The following ZNF385D variants were observed in gnomAD, a reference collection of about 807,000 sequenced individuals.
ZNF385D encodes zinc finger protein 659.
Under a neutral mutation model 35.8 loss-of-function variants are expected in ZNF385D, and 15 were observed. That is an observed-to-expected ratio of 0.42 (90% confidence interval 0.28 to 0.64). The LOEUF is 0.64. Ranked by LOEUF, ZNF385D falls within the 30% of genes least tolerant of loss-of-function variation. ZNF385D has a pLI of 0.23. For missense variants in ZNF385D, 474 were observed against 494.6 expected, an observed-to-expected ratio of 0.96 and a Z score of 0.39; for synonymous variants, 212 against 186.8, an observed-to-expected ratio of 1.13 and a Z score of -1.10.
rs966634784 is a variant in ZNF385D at position 21,458,775 on chromosome 3, T to C, written c.440-21572A>G. Reference sequence around the variant, plus strand: ...TTTGGAGAGACACAAAGTAGATTAGTGGTAGTGAGGGGAGAGGGAGTCCAT... The same window carrying C: ...TTTGGAGAGACACAAAGTAGATTAGCGGTAGTGAGGGGAGAGGGAGTCCAT... On this transcript the variant is annotated intron_variant, in intron 4 of 7. Coordinates refer to ENST00000281523, the MANE Select transcript of ZNF385D (RefSeq NM_024697.3). Among the ~76,000 whole-genome samples, 12 of 86,906 alleles carry C rather than the reference T, an allele frequency of 1.4e-4. No individual in the cohort carries two copies. In the East Asian group the frequency reaches 3.1e-3, roughly 22 times the overall value. The allele number at this position is 86,906 out of a possible 152,430, so 57.0% of individuals were successfully genotyped here.
intron 2 of ZNF385D, among the ~76,000 whole-genome samples, chr3:22,299,660 C>G (rs1702790048): frequency 6.6e-6 from 1 of 151,660 alleles, no homozygotes; most frequent in Admixed American, 6.6e-5. Context: ...AAATCAGTAG[C>G]TTATCTATAC....
At chr3:21,788,260 C>T (rs771385373) in intron 3 of ZNF385D, among the ~76,000 whole-genome samples, 8 of 152,326 alleles carry the variant, frequency 5.3e-5, no homozygotes, top group South Asian at 4.1e-4. Context: ...GAGTGAATCA[C>T]CTGAGGTCAG....
chr3:21,748,877 C>T (rs1412892412), intron 1 of ZNF385D, among the ~76,000 whole-genome samples: 1 of 152,114 alleles, frequency 6.6e-6, no homozygotes. Flanking sequence ...TTTTAACATG[C>T]CTGAAGTGTA....
exon 3 of ZNF385D, chr3:22,169,002 G>C (rs1186203060): frequency 2.0e-6 from 2 of 985,782 alleles, no homozygotes; most frequent in Non-Finnish European, 2.4e-6. Context: ...TATTAATTCA[G>C]CCTCACTCTC....
intron 3 of ZNF385D, among the ~76,000 whole-genome samples, chr3:22,048,809 G>A (rs952407833): frequency 6.6e-6 from 1 of 152,080 alleles, no homozygotes; most frequent in Non-Finnish European, 1.5e-5. Flanking sequence ...GATAGTGATT[G>A]CATGGAATTA....
At chr3:21,995,622 C>T (rs1381859626) in intron 3 of ZNF385D, among the ~76,000 whole-genome samples, 2 of 151,768 alleles carry the variant, frequency 1.3e-5, no homozygotes, top group South Asian at 2.1e-4. Flanking sequence ...CATATGAGTG[C>T]CAGCTGTGGT....
chr3:22,110,123 A>C lies in ZNF385D; in HGVS notation c.325+58694T>G, dbSNP rs911955509. Among the ~76,000 whole-genome samples, 5 of 152,212 alleles carry C rather than the reference A, an allele frequency of 3.3e-5. 1 individual carries two copies. The highest frequency in any genetic ancestry group is 1.2e-4 in the African/African-American group (5 of 41,554). ...ACACCAGTTAGAATGGCAATCATTA[A>C]AAAGTCAGGAAACAACAGGTGCTGG... On this transcript the variant is annotated intron_variant, in intron 3 of 5. Coordinates refer to the ZNF385D transcript ENST00000494108.
intron 3 of ZNF385D, among the ~76,000 whole-genome samples, chr3:22,142,860 A>C (rs1229557662): frequency 2.0e-5 from 3 of 152,018 alleles, no homozygotes; most frequent in Non-Finnish European, 4.4e-5. Flanking sequence ...CCGGGTTCCA[A>C]AAAGTTCTCT....
intron 3 of ZNF385D, among the ~76,000 whole-genome samples, chr3:22,132,295 A>G (rs1170208602): frequency 6.6e-6 from 1 of 152,190 alleles, no homozygotes; most frequent in Non-Finnish European, 1.5e-5. Context: ...AAACAGTGCC[A>G]TCTATGAACT....
intron 2 of ZNF385D, among the ~76,000 whole-genome samples, chr3:22,293,042 T>G (rs1702383224): frequency 6.6e-6 from 1 of 152,144 alleles, no homozygotes; most frequent in South Asian, 2.1e-4. Flanking sequence ...AAGCTGTAAG[T>G]TAGTAGTATC....
rs141135459 is a variant in ZNF385D, at chr3:21,540,905, A to G, written c.276+23669T>C. Among the ~76,000 whole-genome samples, 479 of 152,286 alleles carry G rather than the reference A, an allele frequency of 3.1e-3. 5 individuals carry two copies. Among genetic ancestry groups the G allele is most frequent in the African/African-American group, 0.011 (450 of 41,570 alleles). On this transcript the variant is annotated intron_variant, in intron 3 of 7. Transcript: ENST00000281523. The stretch of plus-strand genomic sequence containing the variant: ...AGGTAAGACTTCCCCAAACGACTGC[A>G]ATCTTTACCACTATCAGATTCAATT...
At chr3:21,462,668 C>G (rs1703247732) in intron 4 of ZNF385D, among the ~76,000 whole-genome samples, 1 of 152,102 alleles carries the variant, frequency 6.6e-6, no homozygotes, top group African/African-American at 2.4e-5. Context: ...ATACATTACA[C>G]AAGTAAGCAA....
chr3:21,773,106 G>GA (rs1273406937), intron 3 of ZNF385D, among the ~76,000 whole-genome samples: 1 of 151,826 alleles, frequency 6.6e-6, no homozygotes. Flanking sequence ...TTTACAAGAT[G>GA]AAAAGAGTTA....
intron 3 of ZNF385D, among the ~76,000 whole-genome samples, chr3:21,875,109 T>C (rs138751124): frequency 7.7e-4 from 117 of 152,234 alleles, no homozygotes; most frequent in African/African-American, 2.7e-3. Flanking sequence ...GCCCTGCAAC[T>C]TTACTAAATT....
intron 4 of ZNF385D, chr3:21,459,504 T>C (rs1257689768): frequency 2.0e-5 from 3 of 151,756 alleles, no homozygotes; most frequent in Admixed American, 1.3e-4. Flanking sequence ...ACCATATAAA[T>C]GCAAAAAAAA....
chr3:22,367,548 A>C (rs191104261), intron 2 of ZNF385D, among the ~76,000 whole-genome samples: 1 of 152,252 alleles, frequency 6.6e-6, no homozygotes, highest in Admixed American at 6.5e-5. Context: ...AAACTGAGAC[A>C]CCTAACTTCT....
chr3:21,790,327 T>C (rs1342982825), intron 3 of ZNF385D, among the ~76,000 whole-genome samples: 3 of 151,792 alleles, frequency 2.0e-5, no homozygotes, highest in Non-Finnish European at 2.9e-5. Flanking sequence ...AAATAGATGG[T>C]GTTGAGGAAG....
At chr3:22,230,266 T>C (rs566519885) in intron 2 of ZNF385D, among the ~76,000 whole-genome samples, 5 of 152,316 alleles carry the variant, frequency 3.3e-5, no homozygotes, top group African/African-American at 9.6e-5. Flanking sequence ...TGTATAATGA[T>C]ATTTTACAAT....
intron 3 of ZNF385D, among the ~76,000 whole-genome samples, chr3:21,563,900 T>C (rs2063047542): frequency 1.3e-5 from 2 of 152,216 alleles, no homozygotes; most frequent in Admixed American, 6.5e-5. Flanking sequence ...TTAATATCAC[T>C]GTGATGGATC....
Sources: gnomAD v4.1 joint callset for allele counts (sites outside exome capture counted in the v4.1 genomes callset) on GRCh38, gnomAD v4.1.1 for gene constraint, MANE v1.5 for transcripts, NCBI Gene and HGNC (gene_info 2026-07-23, HGNC 2026-07-21) for gene names.